The following FHOD3 variants were observed in gnomAD, a reference collection of about 807,000 sequenced individuals.
FHOD3 encodes the protein formin homology 2 domain containing 3.
A neutral mutation model predicts 173.0 loss-of-function variants in FHOD3; 90 were observed. The observed-to-expected ratio is 0.52, with a 90% CI of 0.44 to 0.62. The LOEUF (loss-of-function observed/expected upper bound fraction) is 0.62, where lower values mean the gene tolerates loss of function less well. Ranked by LOEUF, FHOD3 falls within the 20% of genes least tolerant of loss-of-function variation. The probability of loss-of-function intolerance (pLI) is 0.00; values close to 1 mark genes in which losing one functional copy is unlikely to be tolerated. For synonymous variants in FHOD3, 828 were observed against 823.0 expected, an observed-to-expected ratio of 1.01 and a Z score of -0.10; for missense variants, 1,945 against 2,034.7, an observed-to-expected ratio of 0.96 and a Z score of 0.85.
At chr18:36,455,553 G>A (rs568737072) in intron 3 of FHOD3, among the ~76,000 whole-genome samples, 2 of 146,228 alleles carry the variant, frequency 1.4e-5, no homozygotes, top group South Asian at 4.6e-4. Flanking sequence ...ACAGATGTCG[G>A]CAATGTTCAT....
At chr18:36,522,372 T>C (rs1289781555) in intron 5 of FHOD3, among the ~76,000 whole-genome samples, 2 of 152,246 alleles carry the variant, frequency 1.3e-5, no homozygotes, top group Non-Finnish European at 2.9e-5. Context: ...TGAAGCAGTA[T>C]AGCACAAGGT....
At chr18:36,420,172 A>ACT (rs1220644815) in intron 3 of FHOD3, among the ~76,000 whole-genome samples, 10 of 150,914 alleles carry the variant, frequency 6.6e-5, no homozygotes, top group Admixed American at 2.6e-4. Context: ...ATCCGTCCAC[A>ACT]CTCTCTCGGG....
chr18:36,672,333 ATGGGT>A (rs2037584265), intron 14 of FHOD3, among the ~76,000 whole-genome samples: 1 of 152,108 alleles, frequency 6.6e-6, no homozygotes, highest in Non-Finnish European at 1.5e-5. Flanking sequence ...TCATGATCTT[ATGGGT>A]TGGTAATTTT....
At chr18:36,595,536 A>T (rs2030197026) in intron 7 of FHOD3, among the ~76,000 whole-genome samples, 3 of 152,044 alleles carry the variant, frequency 2.0e-5, no homozygotes, top group Non-Finnish European at 4.4e-5. Flanking sequence ...GTGCTTTTAA[A>T]GCCCATGTAT....
intron 3 of FHOD3, among the ~76,000 whole-genome samples, chr18:36,427,286 TAAAAAAAAAAA>T (rs35854743): frequency 3.8e-5 from 3 of 79,480 alleles, no homozygotes; most frequent in Admixed American, 1.6e-4. Context: ...CTTGCTTCTC[TAAAAAAAAAAA>T]AAAAAAAAAA....
Position 36,653,434 on chromosome 18 carries a change from C to G in FHOD3, c.1721+18C>G. On this transcript the variant is annotated intron_variant, in intron 13 of 28. Coordinates refer to ENST00000590592, the MANE Select transcript of FHOD3 (RefSeq NM_001281740.3). ...TCTAATAGGTGGGTGTCTTTATTTT[C>G]TTTCCCTTTTCTGTAGCTTTCTGTT... The G allele has an allele frequency of 6.7e-7, 1 of 1,497,800 alleles. No homozygotes were observed. The highest frequency in any genetic ancestry group is 9.0e-7 in the Non-Finnish European group (1 of 1,116,506). The allele number at this position is 1,497,800 out of a possible 1,614,324, so 92.8% of individuals were successfully genotyped here. A position where few individuals can be genotyped will look rare whatever the true frequency, so the allele number is the denominator to read the frequency against.
intron 1 of FHOD3, among the ~76,000 whole-genome samples, chr18:36,330,102 A>T (rs774974163): frequency 6.6e-6 from 1 of 152,184 alleles, no homozygotes; most frequent in African/African-American, 2.4e-5. Flanking sequence ...GGAGGGAATC[A>T]TGTTGTGTGA....
At chr18:36,676,820 A>G (rs1351476208) in intron 14 of FHOD3, among the ~76,000 whole-genome samples, 2 of 152,244 alleles carry the variant, frequency 1.3e-5, no homozygotes, top group Non-Finnish European at 1.5e-5. Flanking sequence ...TAAAATGCTC[A>G]TTACCCTTTG....
intron 8 of FHOD3, among the ~76,000 whole-genome samples, chr18:36,604,729 G>A (rs1299325014): frequency 2.0e-5 from 3 of 152,124 alleles, no homozygotes; most frequent in African/African-American, 7.2e-5. Flanking sequence ...TAAAACCAGT[G>A]AAACAGGTTC....
chr18:36,652,866 A>G lies in FHOD3; in HGVS notation c.1583A>G (p.Tyr528Cys), dbSNP rs2036159242. The stretch of plus-strand genomic sequence containing the variant: ...CACAGCCCCTTCCACCTCTTCTCCT[A>G]TGACTTTGAGGACTCCTCCCTGTCC... ...VPHSPFHLFS[Y>C]DFEDSSLSTK... Residue 528 changes from tyrosine to cysteine, a missense_variant, in exon 12 of 29, where the codon TAT becomes TGT. This residue lies in a region of FHOD3 where 1,099 missense variants were observed against 1,051.2 expected (regional missense o/e 1.05). Coordinates refer to ENST00000590592, the MANE Select transcript of FHOD3 (RefSeq NM_001281740.3). 2.6e-6 allele frequency: 4 copies of G among 1,535,718 alleles called. No individual in the cohort carries two copies. The African/African-American group carries it at 5.5e-5, about 21-fold the overall frequency.
intron 18 of FHOD3, among the ~76,000 whole-genome samples, chr18:36,714,267 T>G (rs1262560043): frequency 6.6e-6 from 1 of 152,196 alleles, no homozygotes; most frequent in Admixed American, 6.5e-5. Context: ...CTGGGCGTGG[T>G]GGCTCACACA....
intron 2 of FHOD3, among the ~76,000 whole-genome samples, chr18:36,369,918 G>A (rs2047096967): frequency 6.6e-6 from 1 of 152,142 alleles, no homozygotes; most frequent in Non-Finnish European, 1.5e-5. Context: ...ATCAGATTCT[G>A]TGCTTTCAAC....
chr18:36,607,984 C>A (rs1291112711), intron 8 of FHOD3, among the ~76,000 whole-genome samples: 1 of 152,202 alleles, frequency 6.6e-6, no homozygotes, highest in Admixed American at 6.5e-5. Context: ...TACAACTATT[C>A]TCTTCTTCTG....
At chr18:36,332,146 A>G (rs1370247554) in intron 1 of FHOD3, among the ~76,000 whole-genome samples, 2 of 152,218 alleles carry the variant, frequency 1.3e-5, no homozygotes, top group Non-Finnish European at 2.9e-5. Context: ...AAATGCTTGA[A>G]GGAATTCCTT....
intron 4 of FHOD3, among the ~76,000 whole-genome samples, chr18:36,509,733 G>T (rs2055529437): frequency 6.6e-6 from 1 of 152,130 alleles, no homozygotes; most frequent in Non-Finnish European, 1.5e-5. Flanking sequence ...TATGTTTAAA[G>T]TTCTCTGATT....
Position 36,742,812 on chromosome 18 carries a change from C to G in FHOD3, c.3835C>G (p.Leu1279Val). ...LENNKTLGFI[L>V]STLLAIGNFL... ...GAACAATAAAACCTTGGGCTTTATC[C>G]TGTCTACTCTCTTAGCCATTGGGAA... Residue 1279 changes from leucine to valine, a missense_variant, in exon 22 of 29, where the codon CTG (leucine) becomes GTG (valine). This residue lies in a region of FHOD3 where 231 missense variants were observed against 321.9 expected (regional missense o/e 0.72). Coordinates refer to ENST00000590592, the MANE Select transcript of FHOD3 (RefSeq NM_001281740.3). The G allele has an allele frequency of 6.2e-7, 1 of 1,614,024 alleles. No homozygotes were observed. The highest frequency in any genetic ancestry group is 8.5e-7 in the Non-Finnish European group (1 of 1,179,974).
intron 1 of FHOD3, among the ~76,000 whole-genome samples, chr18:36,307,275 T>G (rs1474091934): frequency 6.6e-6 from 1 of 152,212 alleles, no homozygotes; most frequent in African/African-American, 2.4e-5. Context: ...GCTTTATTTT[T>G]TAGAAGTCCA....
chr18:36,319,896 T>C (rs1896145029), intron 1 of FHOD3, among the ~76,000 whole-genome samples: 1 of 152,042 alleles, frequency 6.6e-6, no homozygotes, highest in Non-Finnish European at 1.5e-5. Context: ...ACTGGGTAAA[T>C]AATGAAATGA....
At chr18:36,496,972 G>A (rs2054778873) in intron 3 of FHOD3, among the ~76,000 whole-genome samples, 1 of 152,116 alleles carries the variant, frequency 6.6e-6, no homozygotes, top group Admixed American at 6.5e-5. Context: ...GCCAAAATAG[G>A]TAATATTTTT....
Sources: allele counts gnomAD v4.1 joint callset (sites outside exome capture counted in the v4.1 genomes callset), GRCh38; gene constraint gnomAD v4.1.1; regional missense constraint gnomAD v4.1.1; transcripts MANE v1.5; gene names NCBI Gene and HGNC (gene_info 2026-07-23, HGNC 2026-07-21).